DPP10: variants seen among roughly 807,000 people sequenced by gnomAD.
DPP10 encodes inactive dipeptidyl peptidase 10.
DPP10 carries 33 observed loss-of-function variants against 120.9 expected under a neutral mutation model. That is an observed-to-expected ratio of 0.27 (90% confidence interval 0.21 to 0.37). The LOEUF is 0.37. Among genes scored for constraint, DPP10 ranks in the 10% least tolerant of loss-of-function variants. The pLI is 1.00. For synonymous variants in DPP10, 337 were observed against 326.1 expected, an observed-to-expected ratio of 1.03 and a Z score of -0.36; for missense variants, 816 against 942.8, an observed-to-expected ratio of 0.87 and a Z score of 1.76.
chr2:115,315,108 G>A (rs188076907), intron 2 of DPP10, among the ~76,000 whole-genome samples: 68 of 151,958 alleles, frequency 4.5e-4, no homozygotes, highest in African/African-American at 1.5e-3. Flanking sequence ...GACTGACTTG[G>A]ATTCATCTCC....
chr2:115,725,252 C>A (rs1352513973), intron 7 of DPP10, among the ~76,000 whole-genome samples: 1 of 152,080 alleles, frequency 6.6e-6, no homozygotes, highest in Non-Finnish European at 1.5e-5. Context: ...TCAGACAGTA[C>A]CTGGGGATAC....
intron 1 of DPP10, among the ~76,000 whole-genome samples, chr2:114,530,444 A>G (rs570127012): frequency 3.3e-5 from 5 of 152,280 alleles, no homozygotes; most frequent in Non-Finnish European, 5.9e-5. Flanking sequence ...TATTATCGAA[A>G]TATCTGTTGG....
intron 12 of DPP10, among the ~76,000 whole-genome samples, chr2:115,766,200 T>A (rs1046093866): frequency 6.6e-6 from 1 of 150,888 alleles, no homozygotes; most frequent in African/African-American, 2.4e-5. Flanking sequence ...TAATTGAGGT[T>A]TTTGCCATTA....
chr2:114,454,954 A>G (rs948012088), intron 1 of DPP10, among the ~76,000 whole-genome samples: 3 of 152,158 alleles, frequency 2.0e-5, no homozygotes, highest in Non-Finnish European at 1.5e-5. Flanking sequence ...TGAAGGCTCA[A>G]AAAGAACTTG....
chr2:114,483,642 A>T (rs1681256750), intron 1 of DPP10, among the ~76,000 whole-genome samples: 1 of 152,132 alleles, frequency 6.6e-6, no homozygotes, highest in African/African-American at 2.4e-5. Flanking sequence ...TATTTTTGTC[A>T]TTAAAAAAGG....
At chr2:114,705,769 T>C (rs1164709927) in intron 1 of DPP10, among the ~76,000 whole-genome samples, 1 of 152,178 alleles carries the variant, frequency 6.6e-6, no homozygotes, top group South Asian at 2.1e-4. Context: ...AGTAATAAAA[T>C]ATCCAGTATA....
intron 3 of DPP10, among the ~76,000 whole-genome samples, chr2:115,497,438 A>C (rs2076457950): frequency 6.6e-6 from 1 of 152,084 alleles, no homozygotes; most frequent in Non-Finnish European, 1.5e-5. Flanking sequence ...TAATCTTTGC[A>C]AAGATGTTTT....
At chr2:114,712,969 A>T (rs1476117128) in intron 1 of DPP10, among the ~76,000 whole-genome samples, 1 of 150,892 alleles carries the variant, frequency 6.6e-6, no homozygotes, top group African/African-American at 2.4e-5. Flanking sequence ...TTTTACAATT[A>T]TAAATAATTT....
chr2:115,292,611 G>C (rs1191140001), intron 1 of DPP10, among the ~76,000 whole-genome samples: 2 of 152,050 alleles, frequency 1.3e-5, no homozygotes, highest in Non-Finnish European at 2.9e-5. Context: ...CCAAATCCTT[G>C]CCATGCTGCT....
intron 13 of DPP10, 52 bp from the exon 14 acceptor site, chr2:115,777,156 G>A: frequency 2.0e-6 from 3 of 1,529,882 alleles, no homozygotes; most frequent in Middle Eastern, 1.7e-4. Context: ...GTGTTTACCA[G>A]AGAGATGCTG....
At chr2:115,051,315 G>T (rs1705465047) in intron 1 of DPP10, among the ~76,000 whole-genome samples, 1 of 151,560 alleles carries the variant, frequency 6.6e-6, no homozygotes, top group African/African-American at 2.4e-5. Flanking sequence ...TAAAGAGAAA[G>T]AAATTTAAGA....
intron 1 of DPP10, among the ~76,000 whole-genome samples, chr2:114,980,782 C>T (rs951993136): frequency 6.6e-6 from 1 of 152,088 alleles, no homozygotes; most frequent in East Asian, 1.9e-4. Context: ...TGAGCCACTG[C>T]ACCCCACCTC....
chr2:115,012,316 C>T (rs574972031), intron 1 of DPP10, among the ~76,000 whole-genome samples: 11 of 152,146 alleles, frequency 7.2e-5, no homozygotes, highest in Admixed American at 2.0e-4. Context: ...TTGCATCCTG[C>T]GCACAGGACC....
intron 1 of DPP10, among the ~76,000 whole-genome samples, chr2:115,290,926 C>G (rs1394169237): frequency 6.6e-6 from 1 of 152,138 alleles, no homozygotes; most frequent in Non-Finnish European, 1.5e-5. Flanking sequence ...CCCTGCTAAT[C>G]TACTCATCTT....
chr2:115,184,928 G>C (rs1400416557), intron 1 of DPP10, among the ~76,000 whole-genome samples: 2 of 152,148 alleles, frequency 1.3e-5, no homozygotes, highest in Non-Finnish European at 2.9e-5. Context: ...GAGTCAAGAA[G>C]AATATTGAAG....
At chr2:115,832,668 A>G (rs1209885178) in intron 21 of DPP10, among the ~76,000 whole-genome samples, 1 of 152,210 alleles carries the variant, frequency 6.6e-6, no homozygotes, top group Non-Finnish European at 1.5e-5. Context: ...TATTTACAAA[A>G]ATAGTAAAAT....
At chr2:115,605,945 T>G (rs1645817530) in intron 5 of DPP10, among the ~76,000 whole-genome samples, 3 of 152,138 alleles carry the variant, frequency 2.0e-5, no homozygotes, top group Admixed American at 2.0e-4. Context: ...GACTTCAAAC[T>G]TCTATGCCTT....
intron 3 of DPP10, among the ~76,000 whole-genome samples, chr2:115,442,793 A>G (rs1379960618): frequency 6.6e-6 from 1 of 152,186 alleles, no homozygotes; most frequent in Non-Finnish European, 1.5e-5. Context: ...AGAGGATTAC[A>G]TTATTGAGAA....
At chr2:114,763,068 A>G (rs1021106078) in intron 1 of DPP10, among the ~76,000 whole-genome samples, 2 of 152,162 alleles carry the variant, frequency 1.3e-5, no homozygotes, top group Non-Finnish European at 2.9e-5. Flanking sequence ...AGGTGAGGAT[A>G]AATTTTCCAG....
Sources: allele counts gnomAD v4.1 joint callset (sites outside exome capture counted in the v4.1 genomes callset), GRCh38; gene constraint gnomAD v4.1.1; transcripts MANE v1.5; gene names NCBI Gene and HGNC (gene_info 2026-07-23, HGNC 2026-07-21).